Variants in ADGRB3 observed in about 807,000 individuals in gnomAD.
ADGRB3 encodes the protein adhesion G protein-coupled receptor B3.
Under a neutral mutation model 193.4 loss-of-function variants are expected in ADGRB3, and 37 were observed. The observed-to-expected ratio is 0.19, with a 90% CI of 0.15 to 0.25. ADGRB3 has a LOEUF of 0.25. Among genes scored for constraint, ADGRB3 ranks in the 10% least tolerant of loss-of-function variants. The probability of loss-of-function intolerance (pLI) is 1.00; values close to 1 mark genes in which losing one functional copy is unlikely to be tolerated. For synonymous variants in ADGRB3, 690 were observed against 644.2 expected (o/e 1.07, Z -1.08); for missense variants, 1,637 against 1,852.9 (o/e 0.88, Z 2.14).
chr6:69,362,215 C>T (rs1363780317), intron 29 of ADGRB3, among the ~76,000 whole-genome samples: 2 of 152,008 alleles, frequency 1.3e-5, no homozygotes, highest in East Asian at 1.9e-4. Context: ...AAAGAGTAAA[C>T]TCGTCACTGC....
chr6:69,172,643 CAAAAAAAAAA>C (rs70987454), intron 17 of ADGRB3, among the ~76,000 whole-genome samples: 7,536 of 26,524 alleles, frequency 0.28, 171 homozygotes, highest in South Asian at 0.4. Flanking sequence ...GACTCTGTCT[CAAAAAAAAAA>C]AAAAAAAAAA....
At chr6:69,267,959 A>G (rs781592223) in intron 20 of ADGRB3, among the ~76,000 whole-genome samples, 1 of 152,054 alleles carries the variant, frequency 6.6e-6, no homozygotes, top group Non-Finnish European at 1.5e-5. Context: ...TGTGGCCCAC[A>G]TGTCAGGCAC....
intron 3 of ADGRB3, among the ~76,000 whole-genome samples, chr6:68,840,619 G>A (rs889588677): frequency 1.4e-4 from 21 of 151,958 alleles, no homozygotes; most frequent in African/African-American, 5.1e-4. Context: ...CTTGTCTTGT[G>A]GGTTGGGTGT....
rs557365764 is a variant in ADGRB3 at position 69,291,064 on chromosome 6, T to G, written c.2815-33808T>G. 5.3e-5 allele frequency among the ~76,000 whole-genome samples: 8 copies of G among 152,324 alleles called. No homozygotes were observed. In the South Asian group the frequency reaches 1.7e-3, roughly 32 times the overall value. On this transcript the variant is annotated intron_variant, in intron 20 of 31. Coordinates refer to ENST00000370598, the MANE Select transcript of ADGRB3 (RefSeq NM_001704.3). ...CAGTGAGGAATAAAATATTTAAAAC[T>G]GGAAATGGGTTTCTAAAGGAAGCTT... is the stretch of plus-strand genomic sequence containing the variant.
At chr6:69,255,884 G>T (rs549961011) in intron 20 of ADGRB3, among the ~76,000 whole-genome samples, 41 of 152,252 alleles carry the variant, frequency 2.7e-4, no homozygotes, top group African/African-American at 9.4e-4. Flanking sequence ...TTTGTATAAG[G>T]TGTAAGGAAG....
chr6:69,279,103 A>ATATATATATATC (rs1767368743), intron 20 of ADGRB3, among the ~76,000 whole-genome samples: 1 of 134,776 alleles, frequency 7.4e-6, no homozygotes, highest in Non-Finnish European at 1.6e-5. Flanking sequence ...ATATATATAT[A>ATATATATATATC]TATATATATA....
chr6:69,012,005 C>T (rs1195600470), intron 11 of ADGRB3, among the ~76,000 whole-genome samples: 1 of 152,026 alleles, frequency 6.6e-6, no homozygotes, highest in African/African-American at 2.4e-5. Context: ...AAGAATAGTA[C>T]AAAATGCTAT....
At chr6:68,641,740 C>G (rs1353108081) in intron 3 of ADGRB3, among the ~76,000 whole-genome samples, 2 of 152,016 alleles carry the variant, frequency 1.3e-5, no homozygotes, top group African/African-American at 4.8e-5. Context: ...CTCTTTACCC[C>G]AGTTAAATAA....
chr6:68,897,832 GAA>G (rs1445869699), intron 3 of ADGRB3, among the ~76,000 whole-genome samples: 1 of 135,436 alleles, frequency 7.4e-6, no homozygotes, highest in Non-Finnish European at 1.6e-5. Context: ...AGGAAGGAGA[GAA>G]AAAGAGAAAG....
intron 17 of ADGRB3, among the ~76,000 whole-genome samples, chr6:69,079,354 G>T (rs1195867558): frequency 6.6e-6 from 1 of 152,026 alleles, no homozygotes; most frequent in Non-Finnish European, 1.5e-5. Flanking sequence ...ATGCAGAAAA[G>T]ACCTTCGATA....
chr6:69,365,233 C>T (rs1042694499), intron 29 of ADGRB3, among the ~76,000 whole-genome samples: 2 of 152,024 alleles, frequency 1.3e-5, no homozygotes, highest in South Asian at 2.1e-4. Flanking sequence ...CAACAGGAAG[C>T]ACTGGTGAGA....
Position 68,854,933 on chromosome 6 carries a change from C to T in ADGRB3, c.758-75626C>T, listed in dbSNP as rs144007667. Among the ~76,000 whole-genome samples, 341 of 152,222 alleles carry T rather than the reference C, an allele frequency of 2.2e-3. 1 individual carries two copies. The highest frequency in any genetic ancestry group is 7.9e-3 in the African/African-American group (330 of 41,546). On this transcript the variant is annotated intron_variant, in intron 3 of 31. Coordinates refer to ENST00000370598, the MANE Select transcript of ADGRB3 (RefSeq NM_001704.3). ...ATGGAGATCCTATGGAGTATTACTA[C>T]TGCTGCTTAATCCTGCCCCAAAAAC... is the stretch of plus-strand genomic sequence containing the variant.
chr6:68,782,818 T>G (rs11962532), intron 3 of ADGRB3, among the ~76,000 whole-genome samples: 25,785 of 151,278 alleles, frequency 0.17, 2,602 homozygotes, highest in African/African-American at 0.29. Context: ...TTTGATGGGG[T>G]TGTTTGTTTT....
chr6:69,033,636 A>G (rs2793456), intron 13 of ADGRB3, among the ~76,000 whole-genome samples: 142,618 of 152,132 alleles, frequency 0.94, 67,445 homozygotes, highest in East Asian at 1. Flanking sequence ...TTGTTTTGAC[A>G]TGTGGCATAT....
intron 8 of ADGRB3, among the ~76,000 whole-genome samples, chr6:68,967,044 C>T (rs1768400665): frequency 6.6e-6 from 1 of 152,120 alleles, no homozygotes; most frequent in African/African-American, 2.4e-5. Context: ...GCAGCTGTAC[C>T]GTTTGACATT....
intron 8 of ADGRB3, among the ~76,000 whole-genome samples, chr6:68,958,873 G>T (rs77083787): frequency 0.041 from 439 of 10,686 alleles, 4 homozygotes; most frequent in African/African-American, 0.13. Context: ...GAAAAATAGT[G>T]TGTGTGTGTG....
At chr6:69,185,180 G>A (rs1244439068) in intron 17 of ADGRB3, among the ~76,000 whole-genome samples, 1 of 152,026 alleles carries the variant, frequency 6.6e-6, no homozygotes, top group Admixed American at 6.6e-5. Context: ...TGAGTTTAAT[G>A]AAAATTCAAA....
chr6:69,190,455 G>A (rs1189073689), intron 17 of ADGRB3, among the ~76,000 whole-genome samples: 2 of 151,886 alleles, frequency 1.3e-5, no homozygotes, highest in Non-Finnish European at 2.9e-5. Flanking sequence ...ATATTTCTGG[G>A]CAGCTATGTG....
Position 68,879,906 on chromosome 6 carries a change from A to G in ADGRB3, c.758-50653A>G, listed in dbSNP as rs557060212. Among the ~76,000 whole-genome samples the G allele has an allele frequency of 5.1e-5, 7 of 137,250 alleles. No individual in the cohort carries two copies. In the South Asian group the frequency reaches 1.6e-3, roughly 31 times the overall value. The allele number at this position is 137,250 out of a possible 152,430, so 90.0% of individuals were successfully genotyped here. Reference sequence around the variant, plus strand: ...GTTCAAAAAGATTCTGAACAAATGAATCAAAGCAGATATGAGGCTTTCACT... The same window carrying G: ...GTTCAAAAAGATTCTGAACAAATGAGTCAAAGCAGATATGAGGCTTTCACT... On this transcript the variant is annotated intron_variant, in intron 3 of 31. Coordinates refer to ENST00000370598, the MANE Select transcript of ADGRB3 (RefSeq NM_001704.3).
Sources: allele counts gnomAD v4.1 joint callset (sites outside exome capture counted in the v4.1 genomes callset), GRCh38; gene constraint gnomAD v4.1.1; transcripts MANE v1.5; gene names NCBI Gene and HGNC (gene_info 2026-07-23, HGNC 2026-07-21).